PLD3: variants seen among roughly 807,000 people sequenced by gnomAD.
PLD3 encodes 5'-3' exonuclease PLD3.
A neutral mutation model predicts 58.4 loss-of-function variants in PLD3; 31 were observed. The observed-to-expected ratio is 0.53, with a 90% CI of 0.40 to 0.72. The LOEUF is 0.72. Among genes scored for constraint, PLD3 ranks in the 30% least tolerant of loss-of-function variants. The probability of loss-of-function intolerance (pLI) is 0.00; values close to 1 mark genes in which losing one functional copy is unlikely to be tolerated. For missense variants in PLD3, 595 were observed against 659.8 expected, an observed-to-expected ratio of 0.90 and a Z score of 1.08; for synonymous variants, 264 against 273.4, an observed-to-expected ratio of 0.97 and a Z score of 0.34.
intron 1 of PLD3, chr19:40,359,663 T>C (rs1345644876): frequency 1.3e-5 from 2 of 152,036 alleles, no homozygotes; most frequent in Admixed American, 1.3e-4. Context: ...TTAGTTTCCA[T>C]AGAAGTTATA....
intron 6 of PLD3, 78 bp from the exon 7 acceptor site, chr19:40,369,830 A>G (rs2079018868): frequency 1.5e-6 from 2 of 1,360,564 alleles, no homozygotes; most frequent in Admixed American, 2.7e-5. Flanking sequence ...ATGTCTCAAA[A>G]TAACTCCACC....
Position 40,367,884 on chromosome 19 carries a change from C to T in PLD3, c.429+5C>T. On this transcript the variant is annotated splice_donor_5th_base_variant and intron_variant, in intron 6 of 12. Coordinates refer to ENST00000409735, the MANE Select transcript of PLD3 (RefSeq NM_012268.4). ...CAGGAGCCCTCTGCCCAGCAGGTAC[C>T]TGCAACCTTGGCCCTGGCCGGCAGC... 6.5e-7 allele frequency: 1 copy of T among 1,533,556 alleles called. No homozygotes were observed. Among genetic ancestry groups the T allele is most frequent in the South Asian group, 1.2e-5 (1 of 84,346 alleles). 95.0% of individuals were successfully genotyped at this position (1,533,556 alleles called of 1,614,324 possible). A position where few individuals can be genotyped will look rare whatever the true frequency, so the allele number is the denominator to read the frequency against.
At chr19:40,364,056 A>G (rs988121733) in intron 1 of PLD3, among the ~76,000 whole-genome samples, 3 of 152,104 alleles carry the variant, frequency 2.0e-5, no homozygotes, top group Admixed American at 1.3e-4. Context: ...ATGTTTCACA[A>G]TTTTAAAAAA....
chr19:40,370,545 C>T lies in PLD3; in HGVS notation c.678+308C>T, dbSNP rs2079042886. Reference sequence around the variant, plus strand: ...AAAATAAGCCCGGTGTGGTGGCACACACCTCTGGTCCCAGCTCCTTGGGAG... The same window carrying T: ...AAAATAAGCCCGGTGTGGTGGCACATACCTCTGGTCCCAGCTCCTTGGGAG... On this transcript the variant is annotated intron_variant, in intron 8 of 12. Coordinates refer to ENST00000409735, the MANE Select transcript of PLD3 (RefSeq NM_012268.4). The T allele has an allele frequency of 1.3e-5, 3 of 239,726 alleles. No homozygotes were observed. In the South Asian group the frequency reaches 1.6e-4, roughly 13 times the overall value. The allele number at this position is 239,726 out of a possible 1,614,324, so 14.8% of individuals were successfully genotyped here. A position where few individuals can be genotyped will look rare whatever the true frequency, so the allele number is the denominator to read the frequency against.
At chr19:40,364,305 G>C (rs537058049) in intron 1 of PLD3, among the ~76,000 whole-genome samples, 2 of 151,908 alleles carry the variant, frequency 1.3e-5, no homozygotes, top group East Asian at 3.9e-4. Context: ...AGTGAACCAA[G>C]ATTGTGCCAC....
At chr19:40,352,268 A>G (rs1434009625) in intron 1 of PLD3, among the ~76,000 whole-genome samples, 1 of 152,026 alleles carries the variant, frequency 6.6e-6, no homozygotes, top group Non-Finnish European at 1.5e-5. Context: ...GCAAGACTCC[A>G]TCTCAGATAA....
intron 1 of PLD3, among the ~76,000 whole-genome samples, chr19:40,351,567 A>G (rs1400318233): frequency 2.6e-5 from 4 of 152,172 alleles, no homozygotes; most frequent in Non-Finnish European, 1.5e-5. Context: ...AGAAAGAAAG[A>G]GTGACATGGC....
chr19:40,367,261 A>T (rs1343231637), intron 5 of PLD3: 5 of 272,844 alleles, frequency 1.8e-5, no homozygotes, highest in East Asian at 7.0e-5. Flanking sequence ...GTTTTAAAAA[A>T]TTTTTTTTAA....
chr19:40,377,656 T>C, intron 11 of PLD3, 130 bp from the exon 12 acceptor site: 1 of 693,336 alleles, frequency 1.4e-6, no homozygotes, highest in South Asian at 1.7e-5. Context: ...GGCCCTGTTC[T>C]GGCCCCCGAG....
In PLD3 at chr19:40,366,666, G is replaced by A. The variant is rs1222837146; in HGVS notation, c.84G>A (p.Ala28=). ...ANELPMNEIE[A]WKAAEKKARW... The stretch of plus-strand genomic sequence containing the variant: ...AGCTGCCCATGAATGAGATTGAGGC[G>A]TGGAAGGCTGCGGAAAAGGTAGGAG... The change falls in exon 4 of 13, where the codon GCG becomes GCA. Residue 28 remains alanine, a synonymous_variant. Transcript: ENST00000409735. 7 of 1,602,816 alleles carry A rather than the reference G, an allele frequency of 4.4e-6. No homozygotes were observed. The highest frequency in any genetic ancestry group is 2.2e-5 in the East Asian group (1 of 44,696).
chr19:40,374,671 G>A, intron 10 of PLD3, 51 bp downstream of exon 10: 1 of 1,607,296 alleles, frequency 6.2e-7, no homozygotes. Flanking sequence ...CAGGAGACGG[G>A]AGAGGGAATC....
intron 1 of PLD3, among the ~76,000 whole-genome samples, chr19:40,361,224 C>T (rs933872185): frequency 6.6e-6 from 1 of 152,152 alleles, no homozygotes; most frequent in Non-Finnish European, 1.5e-5. Flanking sequence ...GATTCTCCTG[C>T]CTCAGCAATC....
In PLD3 at chr19:40,366,923, G is replaced by A. The variant is rs767702849; in HGVS notation, c.245+8G>A. ...CTGCTATGACCCTTGCGAGTAAGTGGGGGGTGCTGCAGTTGGTGGGGGAGG... is the reference window on the plus strand; with the variant it reads ...CTGCTATGACCCTTGCGAGTAAGTGAGGGGTGCTGCAGTTGGTGGGGGAGG... On this transcript the variant is annotated splice_region_variant and intron_variant, in intron 5 of 12. Coordinates refer to ENST00000409735, the MANE Select transcript of PLD3 (RefSeq NM_012268.4). 3.8e-6 allele frequency: 6 copies of A among 1,592,342 alleles called. No individual in the cohort carries two copies. In the African/African-American group the frequency reaches 6.7e-5, roughly 18 times the overall value.
chr19:40,375,368 C>T (rs905526023), intron 10 of PLD3, among the ~76,000 whole-genome samples: 5 of 149,328 alleles, frequency 3.3e-5, no homozygotes, highest in South Asian at 2.1e-4. Context: ...GGATAACAAC[C>T]GGCCGGACGT....
intron 5 of PLD3, chr19:40,367,195 C>T: frequency 2.4e-6 from 1 of 423,990 alleles, no homozygotes; most frequent in Non-Finnish European, 4.2e-6. Flanking sequence ...TCCTTCCACA[C>T]CTCTAGACAG....
chr19:40,371,361 G>A (rs2079063327), intron 8 of PLD3: 2 of 335,734 alleles, frequency 6.0e-6, no homozygotes, highest in Admixed American at 8.3e-5. Flanking sequence ...AATGCCTGGT[G>A]CAGGCTGGGT....
chr19:40,349,804 C>T (rs1462569844), intron 1 of PLD3, among the ~76,000 whole-genome samples: 1 of 150,266 alleles, frequency 6.7e-6, no homozygotes, highest in African/African-American at 2.5e-5. Context: ...ACTAAAAATA[C>T]AAAATTAGCC....
chr19:40,371,660 T>A lies in PLD3; in HGVS notation c.679-13T>A. The A allele has an allele frequency of 6.2e-7, 1 of 1,601,896 alleles. No homozygotes were observed. ...AGGCCGCTATCGCTGAGCTCAGCAC[T>A]GCCCTCCTACAGGTCAAGGAGCTGG... On this transcript the variant is annotated splice_polypyrimidine_tract_variant and intron_variant, in intron 8 of 12. Coordinates refer to ENST00000409735, the MANE Select transcript of PLD3 (RefSeq NM_012268.4).
rs371655889 is a variant in PLD3, at chr19:40,378,146, C to T, written c.1446C>T (p.Ser482=). ...YSHDLDTSAD[S]VGNACRLL Reference sequence around the variant, plus strand: ...ATGACCTTGACACCTCAGCTGACAGCGTGGGCAACGCCTGCCGCCTGCTCT... The same window carrying T: ...ATGACCTTGACACCTCAGCTGACAGTGTGGGCAACGCCTGCCGCCTGCTCT... Residue 482 remains serine, a synonymous_variant, in exon 13 of 13, where the codon AGC becomes AGT. Transcript: ENST00000409735. 13 of 1,611,694 alleles carry T rather than the reference C, an allele frequency of 8.1e-6. No individual in the cohort carries two copies. In the African/African-American group the frequency reaches 1.2e-4, roughly 15 times the overall value.
Sources: allele counts gnomAD v4.1 joint callset (sites outside exome capture counted in the v4.1 genomes callset), GRCh38; gene constraint gnomAD v4.1.1; transcripts MANE v1.5; gene names NCBI Gene and HGNC (gene_info 2026-07-23, HGNC 2026-07-21).